The following SDK1 variants were observed in gnomAD, a reference collection of about 807,000 sequenced individuals.
SDK1 encodes sidekick cell adhesion molecule 1.
A neutral mutation model predicts 245.5 loss-of-function variants in SDK1; 157 were observed. The ratio of observed to expected loss-of-function variants is 0.64; its 90% CI spans 0.56 to 0.73. The LOEUF is 0.73. Ranked by LOEUF, SDK1 falls within the 30% of genes least tolerant of loss-of-function variation. The pLI is 0.00. For synonymous variants in SDK1, 1,647 were observed against 1,278.5 expected (o/e 1.29, Z -6.15); for missense variants, 3,583 against 3,002.3 (o/e 1.19, Z -4.52).
Position 4,194,209 on chromosome 7 carries a change from T to G in SDK1, c.5099-11670T>G, listed in dbSNP as rs576631639. 3.1e-4 allele frequency among the ~76,000 whole-genome samples: 47 copies of G among 152,080 alleles called. No individual in the cohort carries two copies. In the East Asian group the frequency reaches 3.1e-3, roughly 10 times the overall value. On this transcript the variant is annotated intron_variant, in intron 35 of 44. Coordinates refer to ENST00000404826, the MANE Select transcript of SDK1 (RefSeq NM_152744.4). ...CTAATAGGAGAGAGAGCGAGAGAGA[T>G]ATATATATGTATACACGTATGTGTA...
rs116396559 is a variant in SDK1, at chr7:3,548,439, A to G, written c.299-70641A>G. Among the ~76,000 whole-genome samples, 637 of 152,328 alleles carry G rather than the reference A, an allele frequency of 4.2e-3. 6 individuals are homozygous for G. The highest frequency in any genetic ancestry group is 0.014 in the African/African-American group (596 of 41,576). ...AGCTACATTTTAAATGTTAATAGAT[A>G]ATGCGAGATTACGAGTCCCAAAGAT... On this transcript the variant is annotated intron_variant, in intron 1 of 44. Coordinates refer to ENST00000404826, the MANE Select transcript of SDK1 (RefSeq NM_152744.4).
chr7:3,446,026 A>C lies in SDK1; in HGVS notation c.298+144142A>C, dbSNP rs188034945. 4.2e-3 allele frequency among the ~76,000 whole-genome samples: 644 copies of C among 152,128 alleles called. 7 individuals are homozygous for C. The highest frequency in any genetic ancestry group is 0.018 in the South Asian group (87 of 4,822). ...CAAGGATAATTTTGCTGGATATAGA[A>C]TTTGCAGTTGACAGCTCTTTTCTTT... On this transcript the variant is annotated intron_variant, in intron 1 of 44. Transcript: ENST00000404826.
chr7:3,766,138 T>A (rs1482126618), intron 4 of SDK1, among the ~76,000 whole-genome samples: 1 of 152,180 alleles, frequency 6.6e-6, no homozygotes, highest in East Asian at 1.9e-4. Context: ...TGTTTGAGGA[T>A]TGACATCTTG....
intron 5 of SDK1, among the ~76,000 whole-genome samples, chr7:3,908,142 C>G (rs912449057): frequency 6.6e-6 from 1 of 152,102 alleles, no homozygotes; most frequent in Admixed American, 6.5e-5. Flanking sequence ...GAAAATTAAC[C>G]CTGGAGTAAC....
chr7:3,457,088 G>T (rs1440583669), intron 1 of SDK1, among the ~76,000 whole-genome samples: 3 of 152,182 alleles, frequency 2.0e-5, no homozygotes, highest in African/African-American at 7.2e-5. Flanking sequence ...TCTGACCACT[G>T]TTGTCAGTGC....
At chr7:4,224,278 T>C (rs1313191562) in intron 40 of SDK1, among the ~76,000 whole-genome samples, 1 of 152,234 alleles carries the variant, frequency 6.6e-6, no homozygotes, top group Non-Finnish European at 1.5e-5. Flanking sequence ...CATGGTGGCT[T>C]TGCTTCTGGG....
chr7:3,629,917 A>G (rs938516360), intron 2 of SDK1, among the ~76,000 whole-genome samples: 3 of 152,218 alleles, frequency 2.0e-5, no homozygotes, highest in Non-Finnish European at 2.9e-5. Flanking sequence ...ACTGTATTGC[A>G]TATGATCAAA....
chr7:3,997,170 G>A (rs1281900933), intron 14 of SDK1, among the ~76,000 whole-genome samples: 3 of 152,188 alleles, frequency 2.0e-5, no homozygotes, highest in Non-Finnish European at 4.4e-5. Context: ...CGGGATCTTT[G>A]GAGTGTCGCT....
intron 1 of SDK1, among the ~76,000 whole-genome samples, chr7:3,372,703 G>C (rs1583760390): frequency 6.6e-6 from 1 of 152,134 alleles, no homozygotes. Flanking sequence ...ACTTGCAGCT[G>C]ACTACATCCT....
rs551171846 is a variant in SDK1, at chr7:3,792,367, T to C, written c.714-29083T>C. On this transcript the variant is annotated intron_variant, in intron 4 of 44. Coordinates refer to ENST00000404826, the MANE Select transcript of SDK1 (RefSeq NM_152744.4). Reference sequence around the variant, plus strand: ...TTCCTCTTCTCTTTCTTCCATCATTTCTAGTGAACATTAGATAATTAATTT... The same window carrying C: ...TTCCTCTTCTCTTTCTTCCATCATTCCTAGTGAACATTAGATAATTAATTT... 4.6e-5 allele frequency among the ~76,000 whole-genome samples: 7 copies of C among 152,250 alleles called. No homozygotes were observed. The South Asian group carries it at 1.5e-3, about 32-fold the overall frequency.
intron 4 of SDK1, among the ~76,000 whole-genome samples, chr7:3,803,986 G>T (rs369399593): frequency 6.7e-6 from 1 of 150,156 alleles, no homozygotes; most frequent in Non-Finnish European, 1.5e-5. Flanking sequence ...GGATGGTCTC[G>T]ATCTCCTGAC....
At chr7:4,088,375 A>G (rs534314727) in intron 22 of SDK1, among the ~76,000 whole-genome samples, 27 of 152,256 alleles carry the variant, frequency 1.8e-4, no homozygotes, top group African/African-American at 5.5e-4. Context: ...AGCGTCTTCT[A>G]TCATATCGAA....
At chr7:3,583,827 G>C (rs767253272) in intron 1 of SDK1, among the ~76,000 whole-genome samples, 3 of 152,052 alleles carry the variant, frequency 2.0e-5, no homozygotes, top group Non-Finnish European at 2.9e-5. Context: ...TTTCACTGGA[G>C]AAAGAAGGTG....
At chr7:4,226,107 C>T (rs1202097741) in intron 40 of SDK1, among the ~76,000 whole-genome samples, 3 of 152,196 alleles carry the variant, frequency 2.0e-5, no homozygotes, top group South Asian at 2.1e-4. Context: ...TTACAGGCCT[C>T]ATTACACAAA....
chr7:3,321,686 TCTTCCTTCTCCTC>T (rs1378662207), intron 1 of SDK1, among the ~76,000 whole-genome samples: 5 of 148,912 alleles, frequency 3.4e-5, no homozygotes, highest in Non-Finnish European at 7.4e-5. Context: ...TCTTCTTCCT[TCTTCCTTCTCCTC>T]CTCCTCCTCC....
At position 4,233,085 on chromosome 7, in the gene SDK1, C is replaced by T. The variant is rs997305899; in HGVS notation, c.5828-170C>T. On this transcript the variant is annotated intron_variant, in intron 40 of 44. Coordinates refer to ENST00000404826, the MANE Select transcript of SDK1 (RefSeq NM_152744.4). Reference sequence around the variant, plus strand: ...CACCATTCATCTCCAGAACGCTCTTCGACTTGCGAAACTGAGACTCCGTCC... The same window carrying T: ...CACCATTCATCTCCAGAACGCTCTTTGACTTGCGAAACTGAGACTCCGTCC... 5.3e-5 allele frequency: 32 copies of T among 598,286 alleles called. No individual in the cohort carries two copies. The East Asian group carries it at 6.1e-4, about 11-fold the overall frequency. 37.1% of individuals were successfully genotyped at this position (598,286 alleles called of 1,614,324 possible).
At chr7:3,783,863 A>G (rs945434622) in intron 4 of SDK1, among the ~76,000 whole-genome samples, 5 of 151,914 alleles carry the variant, frequency 3.3e-5, no homozygotes, top group Non-Finnish European at 7.3e-5. Context: ...TCTAAAATTT[A>G]TGTAGAAACA....
At chr7:3,802,057 A>G (rs1268763908) in intron 4 of SDK1, among the ~76,000 whole-genome samples, 1 of 152,204 alleles carries the variant, frequency 6.6e-6, no homozygotes, top group Non-Finnish European at 1.5e-5. Flanking sequence ...TTAATTATAC[A>G]TTCACAGAAG....
rs575537321 is a variant in SDK1 at position 3,639,168 on chromosome 7, C to G, written c.565+58C>G. On this transcript the variant is annotated intron_variant, in intron 3 of 44. Coordinates refer to ENST00000404826, the MANE Select transcript of SDK1 (RefSeq NM_152744.4). Reference sequence around the variant, plus strand: ...AAAGAACAAAGTGTCGCTGGGGAGTCAATCAGAATCACTTTTCACCATTGT... The same window carrying G: ...AAAGAACAAAGTGTCGCTGGGGAGTGAATCAGAATCACTTTTCACCATTGT... 2,647 of 899,896 alleles carry G rather than the reference C, an allele frequency of 2.9e-3. 11 individuals are homozygous for G. Among genetic ancestry groups the G allele is most frequent in the Middle Eastern group, 8.3e-3 (37 of 4,444 alleles). The allele number at this position is 899,896 out of a possible 1,614,324, so 55.7% of individuals were successfully genotyped here. A position where few individuals can be genotyped will look rare whatever the true frequency, so the allele number is the denominator to read the frequency against.
Sources: allele counts gnomAD v4.1 joint callset (sites outside exome capture counted in the v4.1 genomes callset), GRCh38; gene constraint gnomAD v4.1.1; transcripts MANE v1.5; gene names NCBI Gene and HGNC (gene_info 2026-07-23, HGNC 2026-07-21).